The following NDST3 variants were observed in gnomAD, a reference collection of about 807,000 sequenced individuals.
NDST3 encodes the protein bifunctional heparan sulfate N-deacetylase/N-sulfotransferase 3.
NDST3 carries 58 observed loss-of-function variants against 96.1 expected under a neutral mutation model. The ratio of observed to expected loss-of-function variants is 0.60; its 90% CI spans 0.49 to 0.75. The LOEUF is 0.75. NDST3 is among the 30% of genes least tolerant of loss of function. The probability of loss-of-function intolerance (pLI) is 0.00; values close to 1 mark genes in which losing one functional copy is unlikely to be tolerated. For missense variants in NDST3, 788 were observed against 1,034.2 expected, an observed-to-expected ratio of 0.76 and a Z score of 3.27; for synonymous variants, 333 against 359.7, an observed-to-expected ratio of 0.93 and a Z score of 0.84.
At chr4:118,223,962 T>G (rs915618056) in intron 6 of NDST3, among the ~76,000 whole-genome samples, 1 of 152,182 alleles carries the variant, frequency 6.6e-6, no homozygotes, top group Non-Finnish European at 1.5e-5. Flanking sequence ...CCCAGACCAA[T>G]GCAGTCTAAC....
chr4:118,107,158 C>T (rs1167762649), intron 3 of NDST3, among the ~76,000 whole-genome samples: 1 of 152,152 alleles, frequency 6.6e-6, no homozygotes, highest in African/African-American at 2.4e-5. Flanking sequence ...AAAAGACCAT[C>T]CTTTCCCACT....
intron 2 of NDST3, among the ~76,000 whole-genome samples, chr4:118,101,532 G>A (rs772780782): frequency 5.9e-5 from 9 of 151,982 alleles, no homozygotes; most frequent in Non-Finnish European, 1.0e-4. Context: ...CAACTGTTTT[G>A]TTTGCTAAAG....
chr4:118,045,178 G>T (rs1724693192), intron 1 of NDST3, among the ~76,000 whole-genome samples: 1 of 151,854 alleles, frequency 6.6e-6, no homozygotes, highest in African/African-American at 2.4e-5. Flanking sequence ...GCTCATTCCT[G>T]CCTCTGTAAC....
In NDST3 at chr4:118,148,520, C is replaced by T. The variant is rs147314174; in HGVS notation, c.1539+4836C>T. Among the ~76,000 whole-genome samples, 746 of 152,108 alleles carry T rather than the reference C, an allele frequency of 4.9e-3. 5 individuals carry two copies. The highest frequency in any genetic ancestry group is 0.016 in the African/African-American group (678 of 41,488). On this transcript the variant is annotated intron_variant, in intron 6 of 13. Transcript: ENST00000296499. Reference sequence around the variant, plus strand: ...CCCTACATACCCTCCTACTCAAATCCCTAAAAGTTAAATCTAAATTGTGTT... The same window carrying T: ...CCCTACATACCCTCCTACTCAAATCTCTAAAAGTTAAATCTAAATTGTGTT...
chr4:118,141,564 C>A lies in NDST3; in HGVS notation c.1411-1992C>A, dbSNP rs145957022. Among the ~76,000 whole-genome samples, 68 of 152,294 alleles carry A rather than the reference C, an allele frequency of 4.5e-4. No homozygotes were observed. The East Asian group carries it at 0.011, about 25-fold the overall frequency. On this transcript the variant is annotated intron_variant, in intron 5 of 13. Coordinates refer to ENST00000296499, the MANE Select transcript of NDST3 (RefSeq NM_004784.3). The stretch of plus-strand genomic sequence containing the variant: ...TGAGAAATAGACAAAATTCAAATAT[C>A]TTTTTGCTTCTCTCTTCGTTTTGCA...
chr4:118,117,614 A>G (rs1731227127), intron 4 of NDST3, among the ~76,000 whole-genome samples: 1 of 152,154 alleles, frequency 6.6e-6, no homozygotes, highest in Admixed American at 6.6e-5. Flanking sequence ...TTAATTCTCA[A>G]ATTAACCCGG....
intron 3 of NDST3, among the ~76,000 whole-genome samples, chr4:118,107,556 TAAAG>T (rs931801934): frequency 4.6e-5 from 7 of 151,996 alleles, no homozygotes; most frequent in Non-Finnish European, 8.8e-5. Context: ...TGTATAAAAA[TAAAG>T]AAGATAAAAG....
chr4:118,210,787 A>C (rs2125986046), intron 6 of NDST3, among the ~76,000 whole-genome samples: 1 of 151,902 alleles, frequency 6.6e-6, no homozygotes, highest in African/African-American at 2.4e-5. Flanking sequence ...AAAAAAAAAA[A>C]AAAAAAGCGG....
intron 8 of NDST3, among the ~76,000 whole-genome samples, chr4:118,231,213 G>A (rs1052869002): frequency 1.7e-4 from 26 of 151,714 alleles, no homozygotes; most frequent in East Asian, 7.7e-4. Flanking sequence ...GCAGGTGCCT[G>A]TAATCCCAGC....
At chr4:118,126,714 TG>T (rs1732125777) in intron 4 of NDST3, among the ~76,000 whole-genome samples, 1 of 151,930 alleles carries the variant, frequency 6.6e-6, no homozygotes, top group Non-Finnish European at 1.5e-5. Flanking sequence ...TACTCAGCAG[TG>T]GGATTGCTGG....
intron 1 of NDST3, among the ~76,000 whole-genome samples, chr4:118,044,733 T>C (rs998906618): frequency 1.1e-4 from 16 of 152,224 alleles, no homozygotes; most frequent in South Asian, 6.2e-4. Context: ...TTTGGAAGTC[T>C]AAGAGCATGG....
rs1455659909 is a variant in NDST3, at chr4:118,066,921, A to G, written c.981+12030A>G. On this transcript the variant is annotated intron_variant, in intron 2 of 13. Coordinates refer to ENST00000296499, the MANE Select transcript of NDST3 (RefSeq NM_004784.3). ...TTATATATAACATGTTATATATTATATATACATTATATATAACATGTTATA... is the reference window on the plus strand; with the variant it reads ...TTATATATAACATGTTATATATTATGTATACATTATATATAACATGTTATA... 5.1e-5 allele frequency among the ~76,000 whole-genome samples: 6 copies of G among 118,302 alleles called. 2 individuals are homozygous for G. The highest frequency in any genetic ancestry group is 1.9e-4 in the African/African-American group (6 of 32,412). The allele number at this position is 118,302 out of a possible 152,430, so 77.6% of individuals were successfully genotyped here.
intron 6 of NDST3, among the ~76,000 whole-genome samples, chr4:118,158,010 T>C (rs1289951361): frequency 6.6e-6 from 1 of 152,004 alleles, no homozygotes; most frequent in African/African-American, 2.4e-5. Context: ...TATTGTCAGA[T>C]AGAAAAAAAT....
At chr4:118,221,941 T>C (rs1341987072) in intron 6 of NDST3, among the ~76,000 whole-genome samples, 1 of 151,666 alleles carries the variant, frequency 6.6e-6, no homozygotes, top group Non-Finnish European at 1.5e-5. Flanking sequence ...TTCCATCTCA[T>C]TGGAATCTAC....
chr4:118,195,989 C>T (rs1475016693), intron 6 of NDST3, among the ~76,000 whole-genome samples: 3 of 152,160 alleles, frequency 2.0e-5, no homozygotes, highest in Non-Finnish European at 4.4e-5. Flanking sequence ...GGGTCTGTCA[C>T]ATATGGTTTT....
At chr4:118,049,438 G>A (rs563836756) in intron 1 of NDST3, among the ~76,000 whole-genome samples, 2 of 151,330 alleles carry the variant, frequency 1.3e-5, no homozygotes, top group East Asian at 3.9e-4. Context: ...ACCAAGAGTT[G>A]TTTCTTAGAA....
chr4:118,071,176 A>C (rs1727040211), intron 2 of NDST3, among the ~76,000 whole-genome samples: 1 of 152,122 alleles, frequency 6.6e-6, no homozygotes, highest in African/African-American at 2.4e-5. Context: ...TATTGCCACA[A>C]TAAACATACG....
At chr4:118,036,754 T>G (rs954170273) in intron 1 of NDST3, among the ~76,000 whole-genome samples, 3 of 152,236 alleles carry the variant, frequency 2.0e-5, no homozygotes, top group Non-Finnish European at 4.4e-5. Context: ...CTAAACATTT[T>G]CATCGATTTC....
chr4:118,208,645 T>C (rs1738598525), intron 6 of NDST3, among the ~76,000 whole-genome samples: 1 of 144,458 alleles, frequency 6.9e-6, no homozygotes, highest in Non-Finnish European at 1.5e-5. Flanking sequence ...GTGACTTTGT[T>C]AATACTTAGC....
Sources: allele counts gnomAD v4.1 joint callset (sites outside exome capture counted in the v4.1 genomes callset), GRCh38; gene constraint gnomAD v4.1.1; transcripts MANE v1.5; gene names NCBI Gene and HGNC (gene_info 2026-07-23, HGNC 2026-07-21).